IL31RA: variants seen among roughly 807,000 people sequenced by gnomAD.
The protein encoded by IL31RA is interleukin-31 receptor subunit alpha.
In IL31RA, 66 loss-of-function variants were observed where a neutral mutation model predicts 83.7. The observed-to-expected ratio is 0.79, with a 90% CI of 0.65 to 0.97. The LOEUF (loss-of-function observed/expected upper bound fraction) is 0.97. Ranked by LOEUF, IL31RA falls within the 50% of genes least tolerant of loss-of-function variation. The pLI, the probability that IL31RA is intolerant of heterozygous loss-of-function variation, is 0.00. For missense variants in IL31RA, 798 were observed against 919.4 expected (o/e 0.87, Z 1.71); for synonymous variants, 325 against 329.0 (o/e 0.99, Z 0.13).
At chr5:55,861,402 A>C (rs1745676795) in intron 2 of IL31RA, among the ~76,000 whole-genome samples, 1 of 152,226 alleles carries the variant, frequency 6.6e-6, no homozygotes, top group Non-Finnish European at 1.5e-5. Context: ...TCAAATCAGC[A>C]GCGGCATGAG....
At chr5:55,899,199 C>T (rs1471825904) in intron 7 of IL31RA, among the ~76,000 whole-genome samples, 1 of 152,118 alleles carries the variant, frequency 6.6e-6, no homozygotes, top group Non-Finnish European at 1.5e-5. Context: ...CTTATAAGTC[C>T]TGGACTTATA....
At chr5:55,848,550 T>C (rs1236099779), upstream of IL31RA, among the ~76,000 whole-genome samples, 1 of 152,158 alleles carries the variant, frequency 6.6e-6, no homozygotes, top group Non-Finnish European at 1.5e-5. Flanking sequence ...ATCAACCTTT[T>C]CTCCAAAAAG....
rs1214932557 is a variant in IL31RA at position 55,921,250 on chromosome 5, CATG to C, written c.*4133_*4135del. Among the ~76,000 whole-genome samples the C allele has an allele frequency of 6.6e-6, 1 of 152,240 alleles. No individual in the cohort carries two copies. The highest frequency in any genetic ancestry group is 6.5e-5 in the Admixed American group (1 of 15,272). The stretch of plus-strand genomic sequence containing the variant: ...TTTGTCATGCTTAATTAACTCCTAA[CATG>C]ATCTGTGTGCACCTGTACACATTTT... On this transcript the variant is annotated 3_prime_UTR_variant, in exon 15 of 15. Coordinates refer to ENST00000652347, the MANE Select transcript of IL31RA (RefSeq NM_139017.7).
Position 55,896,376 on chromosome 5 carries a change from G to C in IL31RA, c.799G>C (p.Val267Leu). 1 of 1,613,732 alleles carries C rather than the reference G, an allele frequency of 6.2e-7. No individual in the cohort carries two copies. Among genetic ancestry groups the C allele is most frequent in the Non-Finnish European group, 8.5e-7 (1 of 1,179,686 alleles). Residue 267 changes from valine to leucine, a missense_variant, in exon 7 of 15, where the codon GTC (valine) becomes CTC (leucine). Physicochemically the swap from Val to Leu is conservative, Grantham distance 32. Transcript: ENST00000652347. ...EAPCGLELWR[V>L]LKPAEADGRR... ...TCCATGTGGCCTGGAACTGTGGAGA[G>C]TCCTGAAACCAGCTGAGGCGGATGG... is the stretch of plus-strand genomic sequence containing the variant.
chr5:55,900,862 G>A (rs979599472), intron 8 of IL31RA, among the ~76,000 whole-genome samples: 1 of 151,946 alleles, frequency 6.6e-6, no homozygotes, highest in Admixed American at 6.6e-5. Flanking sequence ...TGCCATGAAG[G>A]CAGTGATTTT....
chr5:55,904,936 C>T (rs1749051074), intron 8 of IL31RA, among the ~76,000 whole-genome samples: 1 of 150,954 alleles, frequency 6.6e-6, no homozygotes. Flanking sequence ...TGGCTCGTGC[C>T]TGTAATCCCA....
rs202046428 is a variant in IL31RA at position 55,883,126 on chromosome 5, T to C, written c.537T>C (p.Pro179=). 3.7e-6 allele frequency: 6 copies of C among 1,614,094 alleles called. No individual in the cohort carries two copies. The Admixed American group carries it at 1.0e-4, about 27-fold the overall frequency. ...KRMIQIEWIK[P]ELAPVSSDLK... Reference sequence around the variant, plus strand: ...TGATTCAAATTGAATGGATAAAGCCTGAGTTGGCGCCTGTTTCATCTGATT... The same window carrying C: ...TGATTCAAATTGAATGGATAAAGCCCGAGTTGGCGCCTGTTTCATCTGATT... Residue 179 remains proline (P), a synonymous_variant, in exon 5 of 15, where the codon CCT becomes CCC. Transcript: ENST00000652347.
chr5:55,895,917 C>G (rs550980478), intron 6 of IL31RA, among the ~76,000 whole-genome samples: 17 of 152,190 alleles, frequency 1.1e-4, no homozygotes, highest in Non-Finnish European at 2.1e-4. Context: ...TATAACATCT[C>G]AAGTATGTGG....
chr5:55,903,592 G>A lies in IL31RA; in HGVS notation c.1070-2514G>A, dbSNP rs1007986926. ...CCGGCGCCACGCCCCTGTGGTCTCC[G>A]CAGTCTCTGCAGTGCACTTGGCGCT... On this transcript the variant is annotated intron_variant, in intron 8 of 14. Coordinates refer to ENST00000652347, the MANE Select transcript of IL31RA (RefSeq NM_139017.7). The surrounding 1 kb of genome is among the most constrained non-coding windows in gnomAD (Gnocchi z 4.7). Among the ~76,000 whole-genome samples the A allele has an allele frequency of 3.9e-5, 6 of 152,290 alleles. No individual in the cohort carries two copies. The highest frequency in any genetic ancestry group is 3.4e-3 in the Middle Eastern group (1 of 294).
intron 6 of IL31RA, 46 bp from the exon 7 acceptor site, chr5:55,896,304 A>G: frequency 1.5e-6 from 2 of 1,323,836 alleles, no homozygotes; most frequent in East Asian, 4.6e-5. Context: ...TCTCCTCTGC[A>G]ACTCCCTTAT....
intron 2 of IL31RA, among the ~76,000 whole-genome samples, chr5:55,865,993 T>C (rs1364880864): frequency 6.6e-6 from 1 of 152,210 alleles, no homozygotes; most frequent in Non-Finnish European, 1.5e-5. Flanking sequence ...CCATCTGCCA[T>C]GGGGCAGCTG....
chr5:55,885,877 A>G (rs1397852556), intron 5 of IL31RA, among the ~76,000 whole-genome samples: 1 of 152,106 alleles, frequency 6.6e-6, no homozygotes, highest in African/African-American at 2.4e-5. Context: ...TTCATACCAC[A>G]TGTCATGGTC....
chr5:55,849,251 A>G (rs143431866), upstream of IL31RA, among the ~76,000 whole-genome samples: 52 of 151,784 alleles, frequency 3.4e-4, no homozygotes, highest in African/African-American at 1.2e-3. Flanking sequence ...CCATATCTAT[A>G]AAGAACATGT....
In IL31RA at chr5:55,859,739, T is replaced by A. The variant is rs957392125; in HGVS notation, c.154+140T>A. 6 of 718,006 alleles carry A rather than the reference T, an allele frequency of 8.4e-6. No homozygotes were observed. In the African/African-American group the frequency reaches 1.0e-4, roughly 12 times the overall value. The allele number at this position is 718,006 out of a possible 1,614,324, so 44.5% of individuals were successfully genotyped here. A position where few individuals can be genotyped will look rare whatever the true frequency, so the allele number is the denominator to read the frequency against. On this transcript the variant is annotated intron_variant, in intron 2 of 14. Transcript: ENST00000652347. ...GACTTGTGAACACCCTGAATTTGTG[T>A]GTGTGTCTGTGTGTGCACACATGCA...
intron 12 of IL31RA, among the ~76,000 whole-genome samples, chr5:55,912,923 T>C (rs1162369292): frequency 6.6e-6 from 1 of 151,116 alleles, no homozygotes; most frequent in Non-Finnish European, 1.5e-5. Context: ...GCTATGATCA[T>C]GCCAGTGCAC....
At chr5:55,894,976 C>T (rs751076517) in intron 6 of IL31RA, among the ~76,000 whole-genome samples, 11 of 152,184 alleles carry the variant, frequency 7.2e-5, no homozygotes, top group Non-Finnish European at 1.5e-4. Flanking sequence ...CTCGGCCTCC[C>T]AAAGTGCTGG....
chr5:55,866,885 G>A (rs1387494361), intron 2 of IL31RA: 1 of 152,136 alleles, frequency 6.6e-6, no homozygotes, highest in African/African-American at 2.4e-5. Context: ...TTGTCTGGTA[G>A]AGACTGCCTT....
chr5:55,888,250 T>G (rs1747761437), intron 5 of IL31RA, among the ~76,000 whole-genome samples: 1 of 152,190 alleles, frequency 6.6e-6, no homozygotes, highest in Non-Finnish European at 1.5e-5. Flanking sequence ...GATCTAAGCC[T>G]GTATATAAAG....
chr5:55,882,102 GC>G (rs1747277007), intron 4 of IL31RA, among the ~76,000 whole-genome samples: 1 of 118,458 alleles, frequency 8.4e-6, no homozygotes, highest in Non-Finnish European at 2.0e-5. Context: ...GCTGGCTACA[GC>G]CAATTATTAG....
Sources: gnomAD v4.1 joint callset for allele counts (sites outside exome capture counted in the v4.1 genomes callset) on GRCh38, gnomAD v4.1.1 for gene constraint, Gnocchi (gnomAD v3.1) non-coding constraint, MANE v1.5 for transcripts, NCBI Gene and HGNC (gene_info 2026-07-23, HGNC 2026-07-21) for gene names.